The following INPP4B variants were observed in gnomAD, a reference collection of about 807,000 sequenced individuals.
INPP4B encodes inositol polyphosphate-4-phosphatase type II B.
Under a neutral mutation model 122.5 loss-of-function variants are expected in INPP4B, and 55 were observed. The observed-to-expected ratio is 0.45, with a 90% CI of 0.36 to 0.56. The LOEUF (loss-of-function observed/expected upper bound fraction) is 0.56, where lower values mean the gene tolerates loss of function less well. Ranked by LOEUF, INPP4B falls within the 20% of genes least tolerant of loss-of-function variation. INPP4B has a pLI of 0.00. For synonymous variants in INPP4B, 403 were observed against 388.7 expected, an observed-to-expected ratio of 1.04 and a Z score of -0.43; for missense variants, 1,000 against 1,097.7, an observed-to-expected ratio of 0.91 and a Z score of 1.26.
chr4:142,102,656 C>T (rs1785064511), intron 23 of INPP4B, among the ~76,000 whole-genome samples: 1 of 151,850 alleles, frequency 6.6e-6, no homozygotes, highest in East Asian at 1.9e-4. Flanking sequence ...TGTTAAAGGG[C>T]CTCAACCAGG....
chr4:142,439,306 G>A (rs555040017), intron 3 of INPP4B, among the ~76,000 whole-genome samples: 4 of 152,190 alleles, frequency 2.6e-5, no homozygotes, highest in Admixed American at 2.0e-4. Flanking sequence ...TCCCCCTTCC[G>A]TCTCTGTGTG....
At chr4:142,207,753 C>A (rs570040959) in intron 14 of INPP4B, among the ~76,000 whole-genome samples, 1 of 152,112 alleles carries the variant, frequency 6.6e-6, no homozygotes, top group South Asian at 2.1e-4. Flanking sequence ...TGCATAATTG[C>A]TATAGCAATA....
At chr4:142,667,307 C>T (rs1260504296) in intron 2 of INPP4B, among the ~76,000 whole-genome samples, 1 of 152,148 alleles carries the variant, frequency 6.6e-6, no homozygotes, top group African/African-American at 2.4e-5. Context: ...AATCTTGACC[C>T]AGTTGGTCAT....
chr4:142,280,775 C>G (rs2150771913), intron 9 of INPP4B, among the ~76,000 whole-genome samples: 1 of 152,092 alleles, frequency 6.6e-6, no homozygotes, highest in Admixed American at 6.6e-5. Context: ...TCTGGGCATA[C>G]AGAAACCACA....
chr4:142,396,588 G>A (rs437892), intron 7 of INPP4B, among the ~76,000 whole-genome samples: 1 of 152,066 alleles, frequency 6.6e-6, no homozygotes, highest in South Asian at 2.1e-4. Flanking sequence ...CTATACTCTA[G>A]AAATTATACT....
At chr4:142,718,098 A>T (rs1053902626) in intron 2 of INPP4B, among the ~76,000 whole-genome samples, 7 of 152,098 alleles carry the variant, frequency 4.6e-5, no homozygotes, top group African/African-American at 1.7e-4. Flanking sequence ...ACAAGGCAAC[A>T]TCTGGGTGAG....
intron 2 of INPP4B, among the ~76,000 whole-genome samples, chr4:142,523,703 T>A (rs1032338306): frequency 1.3e-5 from 2 of 151,536 alleles, no homozygotes; most frequent in African/African-American, 4.8e-5. Flanking sequence ...CATGTGCACA[T>A]TGTGCAGGTT....
chr4:142,588,008 G>T (rs1444043026), intron 2 of INPP4B, among the ~76,000 whole-genome samples: 1 of 151,790 alleles, frequency 6.6e-6, no homozygotes, highest in South Asian at 2.1e-4. Flanking sequence ...GCAAGTCTGG[G>T]TCAACATATG....
At chr4:142,696,993 A>C (rs1437436852) in intron 2 of INPP4B, among the ~76,000 whole-genome samples, 1 of 152,200 alleles carries the variant, frequency 6.6e-6, no homozygotes, top group East Asian at 1.9e-4. Context: ...AGAGTGGAAC[A>C]CTGGCAAGCT....
intron 10 of INPP4B, among the ~76,000 whole-genome samples, chr4:142,261,520 G>C (rs1406829901): frequency 6.6e-6 from 1 of 152,062 alleles, no homozygotes; most frequent in Non-Finnish European, 1.5e-5. Context: ...AAGTTCTTTT[G>C]GTGATGAGGT....
intron 7 of INPP4B, among the ~76,000 whole-genome samples, chr4:142,353,920 T>C (rs1047724281): frequency 6.6e-6 from 1 of 151,982 alleles, no homozygotes; most frequent in Non-Finnish European, 1.5e-5. Context: ...CAAAATTCTA[T>C]GAGTTTTTAT....
intron 1 of INPP4B, among the ~76,000 whole-genome samples, chr4:142,791,863 G>A (rs1776603027): frequency 6.6e-6 from 1 of 151,954 alleles, no homozygotes; most frequent in South Asian, 2.1e-4. Flanking sequence ...CCTAAATACT[G>A]ATTTCCCACC....
intron 25 of INPP4B, among the ~76,000 whole-genome samples, chr4:142,066,034 G>A (rs1763354015): frequency 6.6e-6 from 1 of 151,526 alleles, no homozygotes; most frequent in South Asian, 2.1e-4. Context: ...AGAGTGTAGA[G>A]CACCACCCTC....
intron 1 of INPP4B, among the ~76,000 whole-genome samples, chr4:142,776,791 G>A (rs1219888074): frequency 6.6e-6 from 1 of 152,020 alleles, no homozygotes; most frequent in Non-Finnish European, 1.5e-5. Flanking sequence ...AGAGCCTAGA[G>A]ACCTGGATCT....
chr4:142,539,942 A>G (rs533648044), intron 2 of INPP4B, among the ~76,000 whole-genome samples: 27 of 152,036 alleles, frequency 1.8e-4, no homozygotes, highest in Non-Finnish European at 2.9e-4. Context: ...ATGAAAATAA[A>G]ATGTTCATGC....
chr4:142,305,941 A>G, intron 8 of INPP4B: 3 of 1,024,002 alleles, frequency 2.9e-6, no homozygotes, highest in Non-Finnish European at 3.5e-6. Flanking sequence ...TGTATTCCAG[A>G]TATGAGCAAA....
intron 1 of INPP4B, among the ~76,000 whole-genome samples, chr4:142,772,396 C>A (rs1191347392): frequency 6.6e-6 from 1 of 152,166 alleles, no homozygotes; most frequent in East Asian, 1.9e-4. Context: ...GAGAATGAAG[C>A]AAAGTGGAGT....
chr4:142,756,170 C>T (rs1417975993), intron 1 of INPP4B, among the ~76,000 whole-genome samples: 2 of 152,040 alleles, frequency 1.3e-5, no homozygotes, highest in Admixed American at 6.6e-5. Context: ...GAAAGAGCTC[C>T]TCTTTTGCTC....
At chr4:142,046,440 A>C (rs1751487448) in intron 25 of INPP4B, among the ~76,000 whole-genome samples, 1 of 152,126 alleles carries the variant, frequency 6.6e-6, no homozygotes. Flanking sequence ...GTTCTTGTGA[A>C]AGCCAAATTG....
Sources: gnomAD v4.1 joint callset for allele counts (sites outside exome capture counted in the v4.1 genomes callset) on GRCh38, gnomAD v4.1.1 for gene constraint, MANE v1.5 for transcripts, NCBI Gene and HGNC (gene_info 2026-07-23, HGNC 2026-07-21) for gene names.